The following MGAT4C variants were observed in gnomAD, a reference collection of about 807,000 sequenced individuals.
MGAT4C encodes the protein MGAT4 family member C, also known as alpha-1,3-mannosyl-glycoprotein 4-beta-N-acetylglucosaminyltransferase C.
A neutral mutation model predicts 40.1 loss-of-function variants in MGAT4C; 19 were observed. The observed-to-expected ratio is 0.47, with a 90% CI of 0.33 to 0.70. The LOEUF is 0.70. Among genes scored for constraint, MGAT4C ranks in the 30% least tolerant of loss-of-function variants. The pLI is 0.02. For synonymous variants in MGAT4C, 181 were observed against 187.1 expected (o/e 0.97, Z 0.27); for missense variants, 491 against 563.2 (o/e 0.87, Z 1.30).
chr12:86,395,484 A>T (rs2136232085), intron 3 of MGAT4C, among the ~76,000 whole-genome samples: 1 of 152,340 alleles, frequency 6.6e-6, no homozygotes, highest in African/African-American at 2.4e-5. Context: ...AGAACTGTGT[A>T]TCATCCAACA....
chr12:86,018,382 AAG>A (rs1339204545), intron 2 of MGAT4C, among the ~76,000 whole-genome samples: 1 of 152,180 alleles, frequency 6.6e-6, no homozygotes, highest in Non-Finnish European at 1.5e-5. Flanking sequence ...GAAAACATGA[AAG>A]AAGTGTTGCA....
chr12:86,240,212 A>C (rs1951728272), intron 1 of MGAT4C, among the ~76,000 whole-genome samples: 1 of 151,320 alleles, frequency 6.6e-6, no homozygotes. Context: ...TCATATATAT[A>C]TATGTGTATT....
intron 1 of MGAT4C, among the ~76,000 whole-genome samples, chr12:86,079,876 G>A (rs1592877053): frequency 6.6e-6 from 1 of 152,152 alleles, no homozygotes; most frequent in South Asian, 2.1e-4. Context: ...CAAATTTACA[G>A]CTCTTAACTC....
chr12:86,762,794 C>A (rs1951430895), intron 1 of MGAT4C, among the ~76,000 whole-genome samples: 1 of 152,160 alleles, frequency 6.6e-6, no homozygotes, highest in African/African-American at 2.4e-5. Flanking sequence ...AGAAACATGT[C>A]ATCATAAAGC....
chr12:86,038,564 ATTTT>A (rs993280269), intron 2 of MGAT4C, among the ~76,000 whole-genome samples: 2 of 146,404 alleles, frequency 1.4e-5, no homozygotes, highest in African/African-American at 5.0e-5. Context: ...TTATTTATTT[ATTTT>A]TTTGCTTTCC....
intron 1 of MGAT4C, among the ~76,000 whole-genome samples, chr12:86,076,784 C>T (rs192782080): frequency 1.2e-3 from 186 of 152,248 alleles, no homozygotes; most frequent in African/African-American, 4.2e-3. Flanking sequence ...ACAACCACAA[C>T]ACGTGGGAAT....
chr12:86,190,706 C>A (rs754960413), intron 1 of MGAT4C, among the ~76,000 whole-genome samples: 1 of 151,846 alleles, frequency 6.6e-6, no homozygotes, highest in African/African-American at 2.4e-5. Flanking sequence ...ATCAATTTGG[C>A]TAGATTAAGA....
chr12:85,971,563 A>C lies in MGAT4C; in HGVS notation c.*7726T>G, dbSNP rs1423451909. 1 of 151,242 alleles carries C rather than the reference A, an allele frequency of 6.6e-6. No individual in the cohort carries two copies. The highest frequency in any genetic ancestry group is 1.5e-5 in the Non-Finnish European group (1 of 67,354). The allele number at this position is 151,242 out of a possible 1,614,324, so 9.4% of individuals were successfully genotyped here. A position where few individuals can be genotyped will look rare whatever the true frequency, so the allele number is the denominator to read the frequency against. Reference sequence around the variant, plus strand: ...CACTTAGTAAAATGGAAAACACTAGAGCTTCAGGTTTAATTTGAAATTTTA... The same window carrying C: ...CACTTAGTAAAATGGAAAACACTAGCGCTTCAGGTTTAATTTGAAATTTTA... On this transcript the variant is annotated 3_prime_UTR_variant, in exon 5 of 5. Transcript: ENST00000611864.
intron 2 of MGAT4C, among the ~76,000 whole-genome samples, chr12:86,468,090 T>C (rs577421749): frequency 6.6e-6 from 1 of 152,044 alleles, no homozygotes; most frequent in African/African-American, 2.4e-5. Context: ...CAAAAATTAT[T>C]TCTTTAACTC....
At chr12:86,630,130 C>A (rs370825410) in intron 2 of MGAT4C, among the ~76,000 whole-genome samples, 1 of 152,062 alleles carries the variant, frequency 6.6e-6, no homozygotes, top group African/African-American at 2.4e-5. Flanking sequence ...AACACCTCTA[C>A]GCAAATAGAC....
At chr12:86,081,695 C>G (rs75730932) in intron 1 of MGAT4C, among the ~76,000 whole-genome samples, 5 of 152,098 alleles carry the variant, frequency 3.3e-5, no homozygotes, top group African/African-American at 1.2e-4. Flanking sequence ...ACATTGAGGC[C>G]TTGTTCAGTT....
chr12:86,680,128 C>A (rs762234545), intron 2 of MGAT4C, among the ~76,000 whole-genome samples: 4 of 151,792 alleles, frequency 2.6e-5, no homozygotes, highest in Non-Finnish European at 5.9e-5. Context: ...GGCCAAATCC[C>A]CACTATGTTA....
intron 2 of MGAT4C, among the ~76,000 whole-genome samples, chr12:86,445,138 G>A (rs1478356738): frequency 6.6e-6 from 1 of 152,060 alleles, no homozygotes; most frequent in Non-Finnish European, 1.5e-5. Flanking sequence ...ATATACACGT[G>A]TCTACACTTA....
chr12:86,353,770 G>A (rs1050159130), intron 3 of MGAT4C, among the ~76,000 whole-genome samples: 2 of 152,120 alleles, frequency 1.3e-5, no homozygotes, highest in Admixed American at 1.3e-4. Flanking sequence ...TATCTAAAGT[G>A]AGGAAGCAAT....
intron 1 of MGAT4C, among the ~76,000 whole-genome samples, chr12:86,832,484 T>C (rs757183869): frequency 6.6e-6 from 1 of 151,872 alleles, no homozygotes; most frequent in Non-Finnish European, 1.5e-5. Flanking sequence ...TCACATACTC[T>C]ATGAGAAAAG....
intron 2 of MGAT4C, chr12:86,011,945 A>G (rs963975770): frequency 1.7e-5 from 13 of 779,620 alleles, no homozygotes; most frequent in Middle Eastern, 6.4e-4. Context: ...TTACTTGAGC[A>G]GGAGATCTTG....
chr12:86,344,370 G>C (rs17288800), intron 3 of MGAT4C, among the ~76,000 whole-genome samples: 12,002 of 152,242 alleles, frequency 0.079, 666 homozygotes, highest in Middle Eastern at 0.22. Flanking sequence ...GTAAGGCGCT[G>C]AAGAACTAAA....
chr12:86,529,586 CTG>C (rs1337937303), intron 2 of MGAT4C, among the ~76,000 whole-genome samples: 2 of 152,026 alleles, frequency 1.3e-5, no homozygotes, highest in Non-Finnish European at 2.9e-5. Context: ...AATGATATCT[CTG>C]TTATAAGTCC....
chr12:86,420,184 C>G (rs937740424), intron 3 of MGAT4C, among the ~76,000 whole-genome samples: 8 of 151,594 alleles, frequency 5.3e-5, no homozygotes, highest in East Asian at 1.9e-4. Flanking sequence ...TTGAGACCAC[C>G]CTTGGCAACA....
Sources: gnomAD v4.1 joint callset for allele counts (sites outside exome capture counted in the v4.1 genomes callset) on GRCh38, gnomAD v4.1.1 for gene constraint, MANE v1.5 for transcripts, NCBI Gene and HGNC (gene_info 2026-07-23, HGNC 2026-07-21) for gene names.